REDIC1: variants seen among roughly 807,000 people sequenced by gnomAD.
REDIC1 encodes the protein regulator of DNA class I crossover intermediates 1.
the REDIC1 span, among the ~76,000 whole-genome samples, chr12:39,822,926 T>A: frequency 6.6e-6 from 1 of 152,220 alleles, no homozygotes; most frequent in African/African-American, 2.4e-5. Flanking sequence ...ACGAGGGAGA[T>A]AAATTACTCA....
the REDIC1 span, among the ~76,000 whole-genome samples, chr12:39,719,745 A>G: frequency 6.6e-6 from 1 of 152,164 alleles, no homozygotes. Flanking sequence ...GTTTAGATTT[A>G]CCTTTTATTT....
chr12:39,705,526 C>T, the REDIC1 span, among the ~76,000 whole-genome samples: 2 of 152,098 alleles, frequency 1.3e-5, no homozygotes, highest in Admixed American at 6.6e-5. Context: ...AACTACTGAT[C>T]AGTGTCTCTG....
At chr12:39,819,443 C>T in the REDIC1 span, among the ~76,000 whole-genome samples, 1 of 152,200 alleles carries the variant, frequency 6.6e-6, no homozygotes, top group East Asian at 1.9e-4. Context: ...TGCTCTGTCC[C>T]ATAGTTTACT....
the REDIC1 span, among the ~76,000 whole-genome samples, chr12:39,799,018 T>C: frequency 0.95 from 143,342 of 150,906 alleles, 68,174 homozygotes; most frequent in East Asian, 0.99. Flanking sequence ...CTTCTCCCCA[T>C]TATCCCCACT....
At chr12:39,647,143 G>T in the REDIC1 span, among the ~76,000 whole-genome samples, 2 of 151,948 alleles carry the variant, frequency 1.3e-5, no homozygotes, top group African/African-American at 4.8e-5. Flanking sequence ...TTACTGATGA[G>T]CTGCCAAGGA....
chr12:39,832,809 C>G, the REDIC1 span, among the ~76,000 whole-genome samples: 2 of 151,922 alleles, frequency 1.3e-5, no homozygotes, highest in Non-Finnish European at 2.9e-5. Context: ...TCCATTATAC[C>G]CATCTGGTAA....
chr12:39,702,066 G>A, the REDIC1 span, among the ~76,000 whole-genome samples: 34 of 151,756 alleles, frequency 2.2e-4, no homozygotes, highest in African/African-American at 7.0e-4. Context: ...AAAAGCTAGC[G>A]GAAGGCAAGA....
At chr12:39,709,524 CT>C in the REDIC1 span, among the ~76,000 whole-genome samples, 1 of 151,500 alleles carries the variant, frequency 6.6e-6, no homozygotes, top group Non-Finnish European at 1.5e-5. Context: ...CCCCCAGCCC[CT>C]GGCCATTACC....
At chr12:39,787,631 A>T in the REDIC1 span, among the ~76,000 whole-genome samples, 2 of 152,252 alleles carry the variant, frequency 1.3e-5, no homozygotes, top group Non-Finnish European at 2.9e-5. Flanking sequence ...TCATGAATAA[A>T]CTTACTCATT....
chr12:39,875,919 A>T, the REDIC1 span, among the ~76,000 whole-genome samples: 1 of 152,208 alleles, frequency 6.6e-6, no homozygotes, highest in Non-Finnish European at 1.5e-5. Flanking sequence ...AAGGGACTGT[A>T]TTCATTCAAA....
chr12:39,695,482 G>C, the REDIC1 span, among the ~76,000 whole-genome samples: 5 of 152,152 alleles, frequency 3.3e-5, no homozygotes, highest in Non-Finnish European at 7.4e-5. Flanking sequence ...TGTAGGCCTG[G>C]GTTGTGATGG....
At chr12:39,732,879 G>T in the REDIC1 span, among the ~76,000 whole-genome samples, 2 of 152,090 alleles carry the variant, frequency 1.3e-5, no homozygotes, top group Non-Finnish European at 2.9e-5. Context: ...GCATGACAAG[G>T]TGTCTGGCAT....
At chr12:39,696,934 A>G in the REDIC1 span, among the ~76,000 whole-genome samples, 1 of 152,206 alleles carries the variant, frequency 6.6e-6, no homozygotes, top group Non-Finnish European at 1.5e-5. Context: ...GATCTAGAAA[A>G]TAGCCTCAAG....
chr12:39,895,477 G>A, the REDIC1 span, among the ~76,000 whole-genome samples: 23 of 114,012 alleles, frequency 2.0e-4, no homozygotes, highest in African/African-American at 5.9e-4. Flanking sequence ...GCGACAGAGC[G>A]AGACTCTGTC....
At chr12:39,901,789 C>A in the REDIC1 span, among the ~76,000 whole-genome samples, 574 of 137,632 alleles carry the variant, frequency 4.2e-3, 13 homozygotes, top group East Asian at 0.086. Context: ...TGTGGCGATT[C>A]CTCAGGGATC....
At chr12:39,780,249 C>T in the REDIC1 span, among the ~76,000 whole-genome samples, 2 of 152,186 alleles carry the variant, frequency 1.3e-5, no homozygotes, top group Non-Finnish European at 2.9e-5. Context: ...TACACAGTGA[C>T]AGCAGTGTTT....
At chr12:39,696,833 A>G in the REDIC1 span, among the ~76,000 whole-genome samples, 2 of 152,188 alleles carry the variant, frequency 1.3e-5, no homozygotes, top group Admixed American at 6.5e-5. Context: ...AAGCAGCACA[A>G]AGAATTAGTG....
the REDIC1 span, among the ~76,000 whole-genome samples, chr12:39,779,273 G>A: frequency 6.6e-6 from 1 of 152,210 alleles, no homozygotes; most frequent in Non-Finnish European, 1.5e-5. Context: ...ATTCTCAAAT[G>A]TCCTTCTGAA....
At chr12:39,733,136 T>A in the REDIC1 span, among the ~76,000 whole-genome samples, 2 of 152,126 alleles carry the variant, frequency 1.3e-5, no homozygotes, top group African/African-American at 2.4e-5. Context: ...CATTTGATGT[T>A]CTAAATTCAA....
Sources: allele counts gnomAD v4.1 joint callset (sites outside exome capture counted in the v4.1 genomes callset), GRCh38; gene constraint gnomAD v4.1.1; transcripts MANE v1.5; gene names NCBI Gene and HGNC (gene_info 2026-07-23, HGNC 2026-07-21).